The following CDKAL1 variants were observed in gnomAD, a reference collection of about 807,000 sequenced individuals.
CDKAL1 encodes the protein CDKAL1 threonylcarbamoyladenosine tRNA methylthiotransferase.
Under a neutral mutation model 68.2 loss-of-function variants are expected in CDKAL1, and 32 were observed. That is an observed-to-expected ratio of 0.47 (90% confidence interval 0.35 to 0.63). CDKAL1 has a LOEUF of 0.63. Among genes scored for constraint, CDKAL1 ranks in the 30% least tolerant of loss-of-function variants. The pLI, the probability that CDKAL1 is intolerant of heterozygous loss-of-function variation, is 0.00. For missense variants in CDKAL1, 606 were observed against 696.7 expected (o/e 0.87, Z 1.47); for synonymous variants, 234 against 244.3 (o/e 0.96, Z 0.39).
chr6:20,946,872 C>T (rs949217228), intron 9 of CDKAL1, among the ~76,000 whole-genome samples: 1 of 152,142 alleles, frequency 6.6e-6, no homozygotes, highest in Admixed American at 6.5e-5. Flanking sequence ...GCTGGGGTTA[C>T]AGGCATGAGC....
chr6:20,821,142 C>T (rs1053372025), intron 8 of CDKAL1, among the ~76,000 whole-genome samples: 9 of 152,004 alleles, frequency 5.9e-5, no homozygotes, highest in Admixed American at 1.3e-4. Flanking sequence ...GACTGGGAGG[C>T]AATCAGGAAC....
At chr6:21,228,273 T>C (rs1334488378) in intron 15 of CDKAL1, among the ~76,000 whole-genome samples, 1 of 152,188 alleles carries the variant, frequency 6.6e-6, no homozygotes, top group Non-Finnish European at 1.5e-5. Context: ...GGTGAAGGTA[T>C]CTGTGAACCT....
chr6:20,994,788 G>T (rs928647234), intron 10 of CDKAL1, among the ~76,000 whole-genome samples: 7 of 152,020 alleles, frequency 4.6e-5, no homozygotes, highest in East Asian at 1.9e-4. Flanking sequence ...ATACTTTATT[G>T]CTAAAAAATG....
chr6:20,756,531 C>G (rs1395385600), intron 6 of CDKAL1: 1 of 152,204 alleles, frequency 6.6e-6, no homozygotes, highest in Non-Finnish European at 1.5e-5. Context: ...TGTATGGAAG[C>G]CACATGGGCT....
At chr6:20,817,675 T>C (rs1777102312) in intron 8 of CDKAL1, among the ~76,000 whole-genome samples, 2 of 152,172 alleles carry the variant, frequency 1.3e-5, no homozygotes, top group African/African-American at 4.8e-5. Flanking sequence ...ATTTTAGGTG[T>C]TTAAAAAACT....
intron 10 of CDKAL1, among the ~76,000 whole-genome samples, chr6:20,982,646 A>G (rs1242781772): frequency 1.5e-4 from 23 of 152,044 alleles, no homozygotes; most frequent in Admixed American, 1.5e-3. Flanking sequence ...TACAAAAATT[A>G]CAAAATTGAA....
chr6:21,035,430 G>A (rs933387734), intron 11 of CDKAL1, among the ~76,000 whole-genome samples: 6 of 151,988 alleles, frequency 3.9e-5, no homozygotes, highest in African/African-American at 1.4e-4. Flanking sequence ...TGTTTCAAGT[G>A]TAGCTCACTC....
intron 11 of CDKAL1, among the ~76,000 whole-genome samples, chr6:21,003,365 T>TACACACACACACACACACAC (rs1409256066): frequency 2.9e-4 from 18 of 62,366 alleles, no homozygotes; most frequent in African/African-American, 1.9e-3. Flanking sequence ...TATATATATA[T>TACACACACACACACACACAC]ATATATACAC....
intron 15 of CDKAL1, among the ~76,000 whole-genome samples, chr6:21,230,404 A>T (rs1287080952): frequency 6.6e-6 from 1 of 152,172 alleles, no homozygotes; most frequent in South Asian, 2.1e-4. Context: ...TCAAGTGATC[A>T]GCCCGCCTTG....
intron 13 of CDKAL1, among the ~76,000 whole-genome samples, chr6:21,146,294 G>A (rs756758265): frequency 6.6e-6 from 1 of 152,076 alleles, no homozygotes; most frequent in Non-Finnish European, 1.5e-5. Flanking sequence ...TGACATGAAC[G>A]ACTAATGTCT....
At position 20,787,300 on chromosome 6, in the gene CDKAL1, C is replaced by T. The variant is rs551490569; in HGVS notation, c.638+6035C>T. Reference sequence around the variant, plus strand: ...TTCCCCCTGTAACACTCTGGCTTTGCGAAAACTAACTCATATTTTTACACT... The same window carrying T: ...TTCCCCCTGTAACACTCTGGCTTTGTGAAAACTAACTCATATTTTTACACT... On this transcript the variant is annotated intron_variant, in intron 8 of 15. Transcript: ENST00000274695. 1.5e-3 allele frequency among the ~76,000 whole-genome samples: 231 copies of T among 152,218 alleles called. 4 individuals carry two copies. The highest frequency in any genetic ancestry group is 4.9e-3 in the African/African-American group (204 of 41,538).
chr6:20,593,917 C>A (rs1467142734), intron 4 of CDKAL1, among the ~76,000 whole-genome samples: 2 of 152,142 alleles, frequency 1.3e-5, no homozygotes, highest in Non-Finnish European at 2.9e-5. Flanking sequence ...TTCATTTCTG[C>A]CTTAATTTTG....
chr6:20,549,594 A>G (rs954892414), intron 4 of CDKAL1, among the ~76,000 whole-genome samples: 10 of 148,774 alleles, frequency 6.7e-5, no homozygotes, highest in Admixed American at 4.1e-4. Context: ...TTATTTATTT[A>G]TTTATTTATT....
chr6:21,218,093 T>G (rs1007820701), intron 15 of CDKAL1, among the ~76,000 whole-genome samples: 1 of 152,236 alleles, frequency 6.6e-6, no homozygotes, highest in African/African-American at 2.4e-5. Context: ...TTAGAAAGGT[T>G]TTCCTCCCAT....
chr6:21,205,897 C>T (rs9366390), intron 15 of CDKAL1, among the ~76,000 whole-genome samples: 24,191 of 117,092 alleles, frequency 0.21, 2,622 homozygotes, highest in Middle Eastern at 0.33. Context: ...TGCAGTGGCG[C>T]GATCTTGGCT....
rs759696020 is a variant in CDKAL1 at position 20,955,513 on chromosome 6, T to G, written c.837T>G (p.Val279=). Reference sequence around the variant, plus strand: ...TCCCCACACTCCTGTGGAAACTGGTTGAAGTGATTCCTGAGGGAGCAATGC... The same window carrying G: ...TCCCCACACTCCTGTGGAAACTGGTGGAAGTGATTCCTGAGGGAGCAATGC... ...TNLPTLLWKL[V]EVIPEGAMLR... The change falls in exon 10 of 16, where the codon GTT becomes GTG. Residue 279 remains valine (V), a synonymous_variant. Transcript: ENST00000274695. 22 of 1,614,036 alleles carry G rather than the reference T, an allele frequency of 1.4e-5. No homozygotes were observed. Among genetic ancestry groups the G allele is most frequent in the Non-Finnish European group, 2.5e-6 (3 of 1,180,002 alleles).
chr6:20,770,271 A>C (rs1450810323), intron 7 of CDKAL1, among the ~76,000 whole-genome samples: 5 of 152,188 alleles, frequency 3.3e-5, no homozygotes, highest in Non-Finnish European at 5.9e-5. Context: ...ACTATAAGCA[A>C]CTGTTAAAAA....
At chr6:20,620,760 A>T in intron 4 of CDKAL1, among the ~76,000 whole-genome samples, 1 of 147,544 alleles carries the variant, frequency 6.8e-6, no homozygotes, top group African/African-American at 2.5e-5. Flanking sequence ...TAATAATTTT[A>T]TTTTTTCAAC....
chr6:20,537,198 G>A (rs1284033259), intron 2 of CDKAL1, among the ~76,000 whole-genome samples: 1 of 152,138 alleles, frequency 6.6e-6, no homozygotes, highest in Non-Finnish European at 1.5e-5. Context: ...CTGTGGAATC[G>A]TGGTTCTTAA....
Sources: gnomAD v4.1 joint callset for allele counts (sites outside exome capture counted in the v4.1 genomes callset) on GRCh38, gnomAD v4.1.1 for gene constraint, MANE v1.5 for transcripts, NCBI Gene and HGNC (gene_info 2026-07-23, HGNC 2026-07-21) for gene names.